APBB2: variants seen among roughly 807,000 people sequenced by gnomAD.
The protein encoded by APBB2 is Fe65-like 1.
In APBB2, 38 loss-of-function variants were observed where a neutral mutation model predicts 82.5. The ratio of observed to expected loss-of-function variants is 0.46; its 90% CI spans 0.36 to 0.60. The LOEUF is 0.60. APBB2 is among the 20% of genes least tolerant of loss of function. APBB2 has a pLI of 0.00. For synonymous variants in APBB2, 341 were observed against 368.2 expected (o/e 0.93, Z 0.85); for missense variants, 772 against 972.3 (o/e 0.79, Z 2.74).
chr4:41,012,037 T>G (rs1435300873), intron 6 of APBB2, among the ~76,000 whole-genome samples: 1 of 151,980 alleles, frequency 6.6e-6, no homozygotes, highest in Non-Finnish European at 1.5e-5. Context: ...GCCCAACTAA[T>G]TTTTTTGGAG....
At chr4:41,145,622 G>T (rs1205862247) in intron 1 of APBB2, among the ~76,000 whole-genome samples, 1 of 152,222 alleles carries the variant, frequency 6.6e-6, no homozygotes. Context: ...AGTGCACTGT[G>T]CTTGGGCAGC....
intron 4 of APBB2, among the ~76,000 whole-genome samples, chr4:41,035,463 T>C (rs1718771771): frequency 1.3e-5 from 2 of 152,250 alleles, no homozygotes; most frequent in African/African-American, 2.4e-5. Context: ...TATAACTTTC[T>C]GCTCAGTTCC....
In APBB2 at chr4:40,812,051, T is replaced by G. The variant is rs759912266; in HGVS notation, c.*4041A>C. ...GACTCGAGTTGGTGACTAAATAGGCTTCTATGTCCGGAAGGCCAGCTGGCC... is the reference window on the plus strand; with the variant it reads ...GACTCGAGTTGGTGACTAAATAGGCGTCTATGTCCGGAAGGCCAGCTGGCC... On this transcript the variant is annotated 3_prime_UTR_variant, in exon 18 of 18. Transcript: ENST00000508593. 8.5e-5 allele frequency: 13 copies of G among 152,172 alleles called. No homozygotes were observed. Among genetic ancestry groups the G allele is most frequent in the African/African-American group, 9.7e-5 (4 of 41,442 alleles). The allele number at this position is 152,172 out of a possible 1,614,324, so 9.4% of individuals were successfully genotyped here.
intron 1 of APBB2, among the ~76,000 whole-genome samples, chr4:41,180,870 G>C (rs77326682): frequency 0.051 from 7,696 of 152,126 alleles, 275 homozygotes; most frequent in Non-Finnish European, 0.073. Flanking sequence ...TCATTGTATA[G>C]TTTAATTCTA....
At chr4:41,026,518 C>T (rs1430854471) in intron 5 of APBB2, among the ~76,000 whole-genome samples, 1 of 152,182 alleles carries the variant, frequency 6.6e-6, no homozygotes, top group Non-Finnish European at 1.5e-5. Context: ...CCTCCAACCC[C>T]TGCAAACACT....
intron 3 of APBB2, among the ~76,000 whole-genome samples, chr4:41,078,118 T>A (rs1307527951): frequency 6.6e-6 from 1 of 151,826 alleles, no homozygotes; most frequent in Non-Finnish European, 1.5e-5. Context: ...TCTTAGAGAG[T>A]ACAAGCGCAG....
intron 2 of APBB2, among the ~76,000 whole-genome samples, chr4:41,117,085 A>G (rs1163259664): frequency 2.0e-5 from 3 of 151,598 alleles, no homozygotes; most frequent in Non-Finnish European, 4.4e-5. Context: ...CCCCATCCCA[A>G]CTTTAGGCGA....
intron 1 of APBB2, among the ~76,000 whole-genome samples, chr4:41,147,116 C>A (rs1163874772): frequency 6.6e-6 from 1 of 152,190 alleles, no homozygotes; most frequent in Non-Finnish European, 1.5e-5. Context: ...CTGCAGCAGG[C>A]AAACGGAATC....
intron 4 of APBB2, among the ~76,000 whole-genome samples, chr4:41,041,707 T>TA (rs1467277505): frequency 6.6e-6 from 1 of 152,258 alleles, no homozygotes; most frequent in Non-Finnish European, 1.5e-5. Flanking sequence ...TTTATGATCC[T>TA]AGCTCTTTAT....
chr4:40,878,667 T>G (rs1278548682), intron 12 of APBB2, among the ~76,000 whole-genome samples: 2 of 152,156 alleles, frequency 1.3e-5, no homozygotes, highest in Admixed American at 6.5e-5. Context: ...ATTTTCTGGG[T>G]TTTATTTTTC....
chr4:40,949,962 C>T (rs551077429), intron 6 of APBB2, among the ~76,000 whole-genome samples: 94 of 152,208 alleles, frequency 6.2e-4, no homozygotes, highest in African/African-American at 2.1e-3. Flanking sequence ...GGGTGAGATT[C>T]GGCACTGGAC....
In APBB2 at chr4:41,013,935, G is replaced by A. The variant is rs371639353; in HGVS notation, c.483C>T (p.Phe161=). 6.2e-7 allele frequency: 1 copy of A among 1,614,054 alleles called. No homozygotes were observed. Among genetic ancestry groups the A allele is most frequent in the African/African-American group, 1.3e-5 (1 of 74,914 alleles). Reference sequence around the variant, plus strand: ...TTTCCAGATCTGCATAGTAATTTAGGAAGCTCTTAGTTCTCCTGGGCTGGG... The same window carrying A: ...TTTCCAGATCTGCATAGTAATTTAGAAAGCTCTTAGTTCTCCTGGGCTGGG... ...LPSQPRRTKS[F]LNYYADLETS... The change falls in exon 6 of 18, where the codon TTC becomes TTT. Residue 161 remains phenylalanine, a synonymous_variant. Transcript: ENST00000508593.
intron 2 of APBB2, among the ~76,000 whole-genome samples, chr4:41,122,601 ATTG>A: frequency 6.6e-6 from 1 of 152,132 alleles, no homozygotes; most frequent in African/African-American, 2.4e-5. Flanking sequence ...TGTAATTCCT[ATTG>A]TTTTGATCCT....
At chr4:41,203,639 C>T (rs1320605791) in intron 1 of APBB2, among the ~76,000 whole-genome samples, 3 of 152,110 alleles carry the variant, frequency 2.0e-5, no homozygotes, top group Non-Finnish European at 4.4e-5. Context: ...ATACAGAGAC[C>T]ACTAACAAGA....
At chr4:41,072,498 A>C (rs1412976571) in intron 3 of APBB2, among the ~76,000 whole-genome samples, 3 of 151,986 alleles carry the variant, frequency 2.0e-5, no homozygotes, top group African/African-American at 4.8e-5. Context: ...ATTCAAATAA[A>C]ATAATGAAGT....
In APBB2 at chr4:41,013,627, G is replaced by A. The variant is rs371817559; in HGVS notation, c.791C>T (p.Thr264Met). 22 of 1,614,084 alleles carry A rather than the reference G, an allele frequency of 1.4e-5. No homozygotes were observed. The highest frequency in any genetic ancestry group is 1.6e-4 in the Middle Eastern group (1 of 6,084). Residue 264 changes from threonine to methionine, a missense_variant, in exon 6 of 18, where the codon ACG becomes ATG. Physicochemically the swap from Thr to Met is moderately conservative, Grantham distance 81. Coordinates refer to ENST00000508593, the MANE Select transcript of APBB2 (RefSeq NM_004307.2). ...GGGTGAGGCACTGTCTTGGGACAAC[G>A]TTGTCCAGCTGGACTCCTCATCGCT... Reference protein sequence around the residue: ...APSDEESSWTTLSQDSASPSS... With the variant: ...APSDEESSWTMLSQDSASPSS...
intron 2 of APBB2, among the ~76,000 whole-genome samples, chr4:41,106,778 G>T (rs1003731486): frequency 3.3e-5 from 5 of 152,072 alleles, no homozygotes; most frequent in Non-Finnish European, 7.4e-5. Context: ...GCCTGGCCTA[G>T]ATTAGGTACA....
chr4:40,871,387 C>G (rs909629501), intron 12 of APBB2, among the ~76,000 whole-genome samples: 1 of 151,130 alleles, frequency 6.6e-6, no homozygotes, highest in Non-Finnish European at 1.5e-5. Context: ...TCAAGTGATC[C>G]GCCCGCCTTG....
At chr4:40,973,716 G>C (rs1253829360) in intron 6 of APBB2, among the ~76,000 whole-genome samples, 1 of 152,120 alleles carries the variant, frequency 6.6e-6, no homozygotes, top group Non-Finnish European at 1.5e-5. Flanking sequence ...TTGCTGCTTT[G>C]AGCTTCTGGT....
Sources: allele counts gnomAD v4.1 joint callset (sites outside exome capture counted in the v4.1 genomes callset), GRCh38; gene constraint gnomAD v4.1.1; transcripts MANE v1.5; gene names NCBI Gene and HGNC (gene_info 2026-07-23, HGNC 2026-07-21).